Variants in ATP2B1 observed in about 807,000 individuals in gnomAD.
The protein encoded by ATP2B1 is ATPase plasma membrane Ca2+ transporting 1.
ATP2B1 carries 14 observed loss-of-function variants against 124.2 expected under a neutral mutation model. That is an observed-to-expected ratio of 0.11 (90% confidence interval 0.07 to 0.18). ATP2B1 has a LOEUF of 0.18. ATP2B1 is among the 10% of genes least tolerant of loss of function. ATP2B1 has a pLI of 1.00. For missense variants in ATP2B1, 763 were observed against 1,466.1 expected, an observed-to-expected ratio of 0.52 and a Z score of 7.83; for synonymous variants, 449 against 492.4, an observed-to-expected ratio of 0.91 and a Z score of 1.17.
chr12:89,668,599 G>A (rs6538195), intron 1 of ATP2B1, among the ~76,000 whole-genome samples: 23,728 of 152,138 alleles, frequency 0.16, 2,193 homozygotes, highest in South Asian at 0.36. Context: ...ACTGCAAAAG[G>A]TAAAATGAAT....
At chr12:89,643,140 A>T (rs1405319381) in intron 2 of ATP2B1, among the ~76,000 whole-genome samples, 2 of 150,868 alleles carry the variant, frequency 1.3e-5, no homozygotes, top group Non-Finnish European at 3.0e-5. Flanking sequence ...ATATGTATAT[A>T]CACGTGTATA....
intron 9 of ATP2B1, among the ~76,000 whole-genome samples, chr12:89,622,200 T>A (rs943678931): frequency 6.6e-6 from 1 of 152,036 alleles, no homozygotes; most frequent in African/African-American, 2.4e-5. Context: ...GGATTAAGCC[T>A]CCTTATTAAG....
intron 1 of ATP2B1, among the ~76,000 whole-genome samples, chr12:89,684,254 T>A (rs1880978): frequency 0.96 from 145,686 of 152,342 alleles, 69,705 homozygotes; most frequent in East Asian, 0.99. Flanking sequence ...TTTTTTGTGT[T>A]GGCAGTTCTG....
At position 89,655,958 on chromosome 12, in the gene ATP2B1, T is replaced by G. The variant is rs1002286056; in HGVS notation, c.-72A>C. ...ATTTTCACTTGATGTATTTCCAAGA[T>G]GAAAATCTTTTAAGTATGAAAATCT... On this transcript the variant is annotated 5_prime_UTR_variant, in exon 2 of 21. Coordinates refer to ENST00000428670, the MANE Select transcript of ATP2B1 (RefSeq NM_001366521.1). 56 of 1,435,480 alleles carry G rather than the reference T, an allele frequency of 3.9e-5. No homozygotes were observed. Among genetic ancestry groups the G allele is most frequent in the Non-Finnish European group, 5.1e-5 (54 of 1,066,902 alleles). 88.9% of individuals were successfully genotyped at this position (1,435,480 alleles called of 1,614,324 possible). A position where few individuals can be genotyped will look rare whatever the true frequency, so the allele number is the denominator to read the frequency against.
intron 2 of ATP2B1, among the ~76,000 whole-genome samples, chr12:89,655,112 A>G (rs1885801731): frequency 6.6e-6 from 1 of 152,252 alleles, no homozygotes; most frequent in Non-Finnish European, 1.5e-5. Flanking sequence ...CTGTGAACAC[A>G]GGAATATTCA....
chr12:89,679,156 A>C (rs969485608), intron 1 of ATP2B1, among the ~76,000 whole-genome samples: 3 of 152,138 alleles, frequency 2.0e-5, no homozygotes, highest in Non-Finnish European at 4.4e-5. Context: ...AAGGTGGTCT[A>C]AGGCAGAGGT....
At chr12:89,625,214 C>T (rs573743420) in intron 8 of ATP2B1, among the ~76,000 whole-genome samples, 1 of 151,854 alleles carries the variant, frequency 6.6e-6, no homozygotes, top group South Asian at 2.1e-4. Flanking sequence ...TGCAGTGAGC[C>T]GAGATCGCAC....
chr12:89,669,467 C>A (rs1887687135), intron 1 of ATP2B1, among the ~76,000 whole-genome samples: 1 of 152,160 alleles, frequency 6.6e-6, no homozygotes, highest in Non-Finnish European at 1.5e-5. Context: ...AGGTCCACAG[C>A]TTCTTAGATT....
At chr12:89,693,683 T>C (rs1002666995) in intron 1 of ATP2B1, among the ~76,000 whole-genome samples, 1 of 152,238 alleles carries the variant, frequency 6.6e-6, no homozygotes, top group South Asian at 2.1e-4. Context: ...CTAAACAGTC[T>C]TTCTAGTTTC....
chr12:89,613,367 A>C (rs1878389092), intron 12 of ATP2B1, among the ~76,000 whole-genome samples: 1 of 152,198 alleles, frequency 6.6e-6, no homozygotes, highest in Admixed American at 6.5e-5. Context: ...GATTTACATC[A>C]TAAAAGTTAT....
At chr12:89,606,447 T>C (rs1876883987) in intron 15 of ATP2B1, among the ~76,000 whole-genome samples, 1 of 152,210 alleles carries the variant, frequency 6.6e-6, no homozygotes, top group African/African-American at 2.4e-5. Flanking sequence ...ATGCTACGCA[T>C]ACATTGTTTT....
chr12:89,672,594 C>T (rs1888132536), intron 1 of ATP2B1, among the ~76,000 whole-genome samples: 1 of 152,120 alleles, frequency 6.6e-6, no homozygotes, highest in Admixed American at 6.5e-5. Flanking sequence ...CGTCTCTTGC[C>T]TTCCGTGTAC....
intron 1 of ATP2B1, among the ~76,000 whole-genome samples, chr12:89,671,676 A>G (rs1170705285): frequency 3.9e-5 from 6 of 151,938 alleles, no homozygotes; most frequent in Non-Finnish European, 7.4e-5. Context: ...CATACTCACT[A>G]AGCAACCTCC....
At position 89,639,485 on chromosome 12, in the gene ATP2B1, C is replaced by T. The variant is rs911242343; in HGVS notation, c.406+2673G>A. On this transcript the variant is annotated intron_variant, in intron 3 of 20. Coordinates refer to ENST00000428670, the MANE Select transcript of ATP2B1 (RefSeq NM_001366521.1). ...TGCCACTGCACTCCAGCCTGGGCGA[C>T]ACAGTGAGACTCTGTCTCAATATAT... Among the ~76,000 whole-genome samples the T allele has an allele frequency of 3.3e-5, 5 of 151,828 alleles. No homozygotes were observed. In the South Asian group the frequency reaches 6.2e-4, roughly 19 times the overall value.
intron 2 of ATP2B1, among the ~76,000 whole-genome samples, chr12:89,643,259 TAC>T (rs1222081882): frequency 2.0e-5 from 3 of 151,464 alleles, no homozygotes. Context: ...CACACACATA[TAC>T]ACATATATAT....
intron 1 of ATP2B1, among the ~76,000 whole-genome samples, chr12:89,677,754 T>G (rs1369269077): frequency 6.6e-6 from 1 of 151,906 alleles, no homozygotes; most frequent in Admixed American, 6.6e-5. Flanking sequence ...TATTCAGAAT[T>G]CCACCAGTAG....
rs138519503 is a variant in ATP2B1, at chr12:89,615,677, A to G, written c.2067+1125T>C. ...CTCGCTCTCTTTCTTGGTTTAGATA[A>G]TACTTCCTCCTTCTTTAAGAATCAG... On this transcript the variant is annotated intron_variant, in intron 12 of 20. Coordinates refer to ENST00000428670, the MANE Select transcript of ATP2B1 (RefSeq NM_001366521.1). 2.1e-3 allele frequency among the ~76,000 whole-genome samples: 324 copies of G among 152,270 alleles called. 1 individual carries two copies. The highest frequency in any genetic ancestry group is 7.6e-3 in the African/African-American group (315 of 41,552).
chr12:89,672,589 C>T (rs1888131255), intron 1 of ATP2B1, among the ~76,000 whole-genome samples: 1 of 152,182 alleles, frequency 6.6e-6, no homozygotes, highest in Non-Finnish European at 1.5e-5. Context: ...GTACACGTCT[C>T]TTGCCTTCCG....
intron 1 of ATP2B1, among the ~76,000 whole-genome samples, chr12:89,685,540 C>T (rs1217304897): frequency 6.6e-6 from 1 of 152,072 alleles, no homozygotes; most frequent in African/African-American, 2.4e-5. Context: ...TGGAGCTTGG[C>T]AGAAATGCAA....
Sources: gnomAD v4.1 joint callset for allele counts (sites outside exome capture counted in the v4.1 genomes callset) on GRCh38, gnomAD v4.1.1 for gene constraint, MANE v1.5 for transcripts, NCBI Gene and HGNC (gene_info 2026-07-23, HGNC 2026-07-21) for gene names.